The following PRKG1 variants were observed in gnomAD, a reference collection of about 807,000 sequenced individuals.
PRKG1 encodes cGMP-dependent protein kinase 1.
A neutral mutation model predicts 88.1 loss-of-function variants in PRKG1; 35 were observed. The ratio of observed to expected loss-of-function variants is 0.40; its 90% CI spans 0.30 to 0.53. PRKG1 has a LOEUF of 0.53. Ranked by LOEUF, PRKG1 falls within the 20% of genes least tolerant of loss-of-function variation. The probability of loss-of-function intolerance (pLI) is 0.59; values close to 1 mark genes in which losing one functional copy is unlikely to be tolerated. For synonymous variants in PRKG1, 303 were observed against 292.5 expected (o/e 1.04, Z -0.37); for missense variants, 540 against 839.8 (o/e 0.64, Z 4.41).
chr10:51,706,824 A>G, intron 3 of PRKG1, among the ~76,000 whole-genome samples: 1 of 152,006 alleles, frequency 6.6e-6, no homozygotes, highest in East Asian at 1.9e-4. Flanking sequence ...GAGTAATGTC[A>G]CCTGTATTGG....
At chr10:52,103,163 A>G (rs1198330370) in intron 7 of PRKG1, among the ~76,000 whole-genome samples, 8 of 152,108 alleles carry the variant, frequency 5.3e-5, no homozygotes, top group African/African-American at 1.9e-4. Context: ...ATTAACCCCA[A>G]TCCCATGCCC....
At chr10:51,287,828 T>G (rs1437623144) in intron 2 of PRKG1, among the ~76,000 whole-genome samples, 1 of 152,180 alleles carries the variant, frequency 6.6e-6, no homozygotes, top group Non-Finnish European at 1.5e-5. Context: ...TTGCCTTTTA[T>G]TTTTGCAATT....
rs1365488924 is a variant in PRKG1 at position 51,858,126 on chromosome 10, TTA to T, written c.699-49372_699-49371del. Among the ~76,000 whole-genome samples, 3 of 31,254 alleles carry T rather than the reference TTA, an allele frequency of 9.6e-5. 1 individual carries two copies. The highest frequency in any genetic ancestry group is 1.5e-4 in the Non-Finnish European group (3 of 19,558). The allele number at this position is 31,254 out of a possible 152,430, so 20.5% of individuals were successfully genotyped here. ...ATATTATACATATATATAATATATATTATATATATACATATTATACATATATA... is the reference window on the plus strand; with the variant it reads ...ATATTATACATATATATAATATATATTATATATACATATTATACATATATA... On this transcript the variant is annotated intron_variant, in intron 4 of 17. Coordinates refer to ENST00000373980, the MANE Select transcript of PRKG1 (RefSeq NM_006258.4).
At chr10:52,271,517 TA>T (rs1841729786) in intron 11 of PRKG1, 28 bp downstream of exon 11, 1 of 1,600,496 alleles carries the variant, frequency 6.2e-7, no homozygotes, top group Non-Finnish European at 8.5e-7. Flanking sequence ...GGGACAGACG[TA>T]CCCAACTCCA....
chr10:52,122,319 C>T (rs959474762), intron 7 of PRKG1, among the ~76,000 whole-genome samples: 1 of 152,232 alleles, frequency 6.6e-6, no homozygotes, highest in African/African-American at 2.4e-5. Context: ...CTAATTACCT[C>T]TTAATGGTCC....
intron 2 of PRKG1, among the ~76,000 whole-genome samples, chr10:51,416,900 G>A (rs919164449): frequency 1.3e-5 from 2 of 152,122 alleles, no homozygotes; most frequent in Non-Finnish European, 2.9e-5. Flanking sequence ...AAAACATATT[G>A]TTAGCAAATT....
At chr10:51,162,032 A>G (rs1352427323) in intron 2 of PRKG1, among the ~76,000 whole-genome samples, 1 of 152,206 alleles carries the variant, frequency 6.6e-6, no homozygotes, top group Non-Finnish European at 1.5e-5. Flanking sequence ...AAACACATAG[A>G]TATATTTCTT....
intron 4 of PRKG1, among the ~76,000 whole-genome samples, chr10:51,865,940 G>A (rs1367373308): frequency 6.6e-6 from 1 of 151,788 alleles, no homozygotes. Flanking sequence ...GATCAGTATT[G>A]TATTGGAATT....
chr10:52,021,719 G>A (rs879735416), intron 5 of PRKG1, among the ~76,000 whole-genome samples: 18 of 152,058 alleles, frequency 1.2e-4, no homozygotes, highest in Non-Finnish European at 2.5e-4. Context: ...GAAATTTTTT[G>A]TGATGATGAT....
At chr10:52,084,981 T>G (rs1025590086) in intron 7 of PRKG1, among the ~76,000 whole-genome samples, 5 of 152,078 alleles carry the variant, frequency 3.3e-5, no homozygotes, top group Non-Finnish European at 5.9e-5. Context: ...AATTTGAGTT[T>G]ATCTGATATT....
intron 4 of PRKG1, 35 bp downstream of exon 4, chr10:51,804,725 A>T (rs1839260688): frequency 7.0e-7 from 1 of 1,438,088 alleles, no homozygotes; most frequent in Non-Finnish European, 9.8e-7. Flanking sequence ...GAGAGTGTTT[A>T]CTTTCCTTTT....
intron 1 of PRKG1, among the ~76,000 whole-genome samples, chr10:51,022,946 A>G (rs1237374359): frequency 6.6e-6 from 1 of 152,180 alleles, no homozygotes; most frequent in Non-Finnish European, 1.5e-5. Context: ...GTAGTAAGCC[A>G]AGATCGCACT....
intron 3 of PRKG1, among the ~76,000 whole-genome samples, chr10:51,667,219 A>T (rs1840443594): frequency 6.6e-6 from 1 of 152,240 alleles, no homozygotes; most frequent in South Asian, 2.1e-4. Flanking sequence ...TTTTTCAAGA[A>T]TGAAAGAAAG....
At chr10:52,024,058 A>C (rs1391941924) in intron 5 of PRKG1, among the ~76,000 whole-genome samples, 2 of 152,148 alleles carry the variant, frequency 1.3e-5, no homozygotes, top group Non-Finnish European at 2.9e-5. Flanking sequence ...CTTATGTTTA[A>C]GTCTTTAATC....
chr10:51,744,656 G>GT, intron 3 of PRKG1, among the ~76,000 whole-genome samples: 1 of 152,280 alleles, frequency 6.6e-6, no homozygotes, highest in East Asian at 1.9e-4. Flanking sequence ...ATGCGTTTTT[G>GT]TTTTTTATGA....
chr10:52,267,274 GC>G (rs1201204207), intron 10 of PRKG1, among the ~76,000 whole-genome samples: 10 of 152,088 alleles, frequency 6.6e-5, no homozygotes, highest in African/African-American at 2.4e-4. Context: ...TTTGTGGCCA[GC>G]CCTGTAAGAA....
intron 1 of PRKG1, among the ~76,000 whole-genome samples, chr10:51,083,039 C>G (rs1040724999): frequency 1.3e-5 from 2 of 152,160 alleles, no homozygotes; most frequent in Non-Finnish European, 2.9e-5. Context: ...TTACAGACTA[C>G]TTGAATTCCT....
chr10:51,288,682 A>AT (rs1840505079), intron 2 of PRKG1, among the ~76,000 whole-genome samples: 1 of 152,334 alleles, frequency 6.6e-6, no homozygotes, highest in Admixed American at 6.5e-5. Flanking sequence ...AACATACTCC[A>AT]TTGACTAGAA....
At chr10:51,224,452 A>G (rs1838636002) in intron 2 of PRKG1, among the ~76,000 whole-genome samples, 1 of 152,236 alleles carries the variant, frequency 6.6e-6, no homozygotes, top group African/African-American at 2.4e-5. Context: ...GAGATTTAGC[A>G]GATAGTGAAT....
Sources: allele counts gnomAD v4.1 joint callset (sites outside exome capture counted in the v4.1 genomes callset), GRCh38; gene constraint gnomAD v4.1.1; transcripts MANE v1.5; gene names NCBI Gene and HGNC (gene_info 2026-07-23, HGNC 2026-07-21).